Variants in FRMPD3 observed in about 807,000 individuals in gnomAD.
The protein encoded by FRMPD3 is FERM and PDZ domain containing 3, also known as FERM and PDZ domain-containing protein 3.
Under a neutral mutation model 97.9 loss-of-function variants are expected in FRMPD3, and 42 were observed. That is an observed-to-expected ratio of 0.43 (90% CI 0.34 to 0.55). The LOEUF is 0.55. FRMPD3 is among the 20% of genes least tolerant of loss of function. FRMPD3 has a pLI of 0.03. For synonymous variants in FRMPD3, 577 were observed against 581.1 expected, an observed-to-expected ratio of 0.99 and a Z score of 0.10; for missense variants, 1,303 against 1,457.7, an observed-to-expected ratio of 0.89 and a Z score of 1.73.
chrX:107,557,546 G>A (rs1922128580), intron 8 of FRMPD3, among the ~76,000 whole-genome samples: 4 of 107,115 alleles, frequency 3.7e-5, no homozygotes, highest in Non-Finnish European at 7.7e-5. Flanking sequence ...CTAACCCAAG[G>A]TTACAAGAAT....
chrX:107,519,074 G>C (rs1194639979), intron 1 of FRMPD3, among the ~76,000 whole-genome samples: 3 of 111,948 alleles, frequency 2.7e-5, no homozygotes, highest in African/African-American at 9.8e-5. Flanking sequence ...GGGAAGGGAG[G>C]GGTAATGAGG....
At chrX:107,498,001 TCCC>T (rs1482111502) in intron 1 of FRMPD3, among the ~76,000 whole-genome samples, 1 of 111,580 alleles carries the variant, frequency 9.0e-6, no homozygotes, top group Non-Finnish European at 1.9e-5. Context: ...CTTACCTGGC[TCCC>T]CTAGCATACC....
At chrX:107,560,126 C>T in intron 8 of FRMPD3, 131 bp from the exon 9 acceptor site, 1 of 792,369 alleles carries the variant, frequency 1.3e-6, no homozygotes, top group Non-Finnish European at 1.8e-6. Flanking sequence ...AGGGGAGCTC[C>T]TTCCTCTGTC....
rs1372486025 is a variant in FRMPD3, at chrX:107,604,567, G to A, written c.*1194G>A. 4 of 105,290 alleles carry A rather than the reference G, an allele frequency of 3.8e-5. No homozygotes were observed. The highest frequency in any genetic ancestry group is 3.5e-4 in the South Asian group (1 of 2,877). 8.7% of individuals were successfully genotyped at this position (105,290 alleles called of 1,213,427 possible). ...CGCTGCCACCACCACCGCCACCACC[G>A]CTGCCAACCCTCCCCCCACGCCCCC... On this transcript the variant is annotated 3_prime_UTR_variant, in exon 15 of 15. Transcript: ENST00000683843.
At chrX:107,594,405 T>C (rs1462154650) in intron 13 of FRMPD3, among the ~76,000 whole-genome samples, 3 of 112,207 alleles carry the variant, frequency 2.7e-5, no homozygotes, top group Non-Finnish European at 5.6e-5. Flanking sequence ...AAAGTACAAT[T>C]AAGTTATTAT....
intron 1 of FRMPD3, among the ~76,000 whole-genome samples, chrX:107,452,682 G>A (rs1931310060): frequency 8.9e-6 from 1 of 111,823 alleles, no homozygotes; most frequent in Non-Finnish European, 1.9e-5. Flanking sequence ...TGGAGGAGAG[G>A]TCTGGGGACT....
rs376522247 is a variant in FRMPD3 at position 107,600,609 on chromosome X, G to A, written c.2570G>A (p.Arg857Gln). The A allele has an allele frequency of 3.5e-4, 425 of 1,207,754 alleles. No homozygotes were observed. In the East Asian group the frequency reaches 0.011, roughly 31 times the overall value. ...CAGAGTCCTGGCCCCCCTGGCGCTC[G>A]GAGGAAGCTGCCCCAGTCAGAGGGC... The part of the protein sequence containing the change: ...TGQSPGPPGA[R>Q]RKLPQSEGQV... The change falls in exon 15 of 15, where the codon CGG becomes CAG. Residue 857 changes from arginine to glutamine, a missense_variant. By Grantham distance (43) the Arg-to-Gln change is conservative. Transcript: ENST00000683843.
rs755232905 is a variant in FRMPD3, at chrX:107,530,414, C to T, written c.154C>T (p.Pro52Ser). ...VVVRSVRPGGPSENKLLAGDQ... is the reference protein window; with the variant it reads ...VVVRSVRPGGSSENKLLAGDQ... ...CTCTCTCCTCTCCTTTGCAGGAGGCCCCTCTGAGAACAAGCTCCTGGCTGG... is the reference window on the plus strand; with the variant it reads ...CTCTCTCCTCTCCTTTGCAGGAGGCTCCTCTGAGAACAAGCTCCTGGCTGG... The change falls in exon 3 of 15, where the codon CCC becomes TCC. Residue 52 changes from proline (P) to serine (S), a missense_variant. This residue lies in a region of FRMPD3 where 535 missense variants were observed against 618.6 expected (regional missense o/e 0.86). Transcript: ENST00000683843. The T allele has an allele frequency of 4.2e-6, 5 of 1,186,330 alleles. No homozygotes were observed. In the South Asian group the frequency reaches 5.6e-5, roughly 13 times the overall value.
In FRMPD3 at chrX:107,515,459, C is replaced by A. The variant is rs1299131003; in HGVS notation, c.-7-11123C>A. On this transcript the variant is annotated intron_variant, in intron 1 of 14. Coordinates refer to ENST00000683843, the MANE Select transcript of FRMPD3 (RefSeq NM_001388459.1). ...CCATGGAGGCCAATGCGGACCTTAA[C>A]AAGAGCAACTCTGCAGAGTGATAGA... Among the ~76,000 whole-genome samples, 2 of 110,859 alleles carry A rather than the reference C, an allele frequency of 1.8e-5. 1 individual carries two copies. Among genetic ancestry groups the A allele is most frequent in the African/African-American group, 6.6e-5 (2 of 30,396 alleles).
At chrX:107,457,037 A>G (rs911568975) in intron 1 of FRMPD3, among the ~76,000 whole-genome samples, 2 of 111,410 alleles carry the variant, frequency 1.8e-5, no homozygotes, top group African/African-American at 6.5e-5. Context: ...TTACCTACCA[A>G]TTGAATGCGT....
At chrX:107,559,054 ACCT>A (rs1255997260) in intron 8 of FRMPD3, among the ~76,000 whole-genome samples, 1 of 101,982 alleles carries the variant, frequency 9.8e-6, no homozygotes, top group Non-Finnish European at 2.0e-5. Flanking sequence ...TGGAACCTCC[ACCT>A]CCTGAGTTCA....
At chrX:107,549,336 G>GAAAAA (rs1237932431) in intron 5 of FRMPD3, among the ~76,000 whole-genome samples, 6 of 105,118 alleles carry the variant, frequency 5.7e-5, no homozygotes, top group Admixed American at 5.1e-4. Context: ...AAAAGAAAAA[G>GAAAAA]AAAAAAAAAA....
At chrX:107,501,416 C>T (rs1254888705) in intron 1 of FRMPD3, among the ~76,000 whole-genome samples, 1 of 73,315 alleles carries the variant, frequency 1.4e-5, no homozygotes, top group African/African-American at 5.7e-5. Flanking sequence ...GGCCGGACTG[C>T]GGACTGCAGT....
At chrX:107,573,245 G>A (rs192226368) in intron 12 of FRMPD3, among the ~76,000 whole-genome samples, 23 of 111,390 alleles carry the variant, frequency 2.1e-4, no homozygotes, top group Non-Finnish European at 3.6e-4. Context: ...AGATGATAAG[G>A]TCCTGAAATG....
chrX:107,546,803 G>A (rs1241315496), intron 5 of FRMPD3, among the ~76,000 whole-genome samples: 1 of 112,221 alleles, frequency 8.9e-6, no homozygotes, highest in African/African-American at 3.2e-5. Context: ...TTTACGTACT[G>A]AGGAACAGCC....
chrX:107,575,608 G>A (rs755848247), intron 12 of FRMPD3, among the ~76,000 whole-genome samples: 2 of 111,428 alleles, frequency 1.8e-5, no homozygotes, highest in South Asian at 7.6e-4. Context: ...CTGCCACCAC[G>A]CCAGGCTAAT....
chrX:107,465,346 C>G (rs1215627815), intron 1 of FRMPD3, among the ~76,000 whole-genome samples: 1 of 110,758 alleles, frequency 9.0e-6, no homozygotes, highest in Non-Finnish European at 1.9e-5. Flanking sequence ...TAGTGCGTAC[C>G]TGTAATCCCG....
chrX:107,542,008 C>G (rs1921332845), intron 4 of FRMPD3, among the ~76,000 whole-genome samples: 1 of 112,994 alleles, frequency 8.9e-6, no homozygotes, highest in Non-Finnish European at 1.9e-5. Context: ...ATGCAGGCAT[C>G]TGAGGGCAGA....
rs186103884 is a variant in FRMPD3, at chrX:107,600,838, G to A, written c.2799G>A (p.Leu933=). ...EEQVSELRDN[L]PKEVRLSPKL... The stretch of plus-strand genomic sequence containing the variant: ...AGGTCTCTGAGCTGAGGGACAACCT[G>A]CCCAAGGAGGTCAGGTTGAGCCCCA... The change falls in exon 15 of 15, where the codon CTG becomes CTA. Residue 933 remains leucine (L), a synonymous_variant. Transcript: ENST00000683843. 1.7e-6 allele frequency: 2 copies of A among 1,207,552 alleles called. No individual in the cohort carries two copies. Among genetic ancestry groups the A allele is most frequent in the African/African-American group, 1.8e-5 (1 of 57,126 alleles).
Sources: allele counts gnomAD v4.1 joint callset (sites outside exome capture counted in the v4.1 genomes callset), GRCh38; gene constraint gnomAD v4.1.1; regional missense constraint gnomAD v4.1.1; transcripts MANE v1.5; gene names NCBI Gene and HGNC (gene_info 2026-07-23, HGNC 2026-07-21).